The following FAM149A variants were observed in gnomAD, a reference collection of about 807,000 sequenced individuals.
The protein encoded by FAM149A is family with sequence similarity 149 member A, also known as protein FAM149A.
Under a neutral mutation model 78.2 loss-of-function variants are expected in FAM149A, and 71 were observed. That is an observed-to-expected ratio of 0.91 (90% CI 0.75 to 1.11). The LOEUF is 1.11. FAM149A is among the 50% of genes least tolerant of loss of function. The pLI is 0.00. For missense variants in FAM149A, 1,036 were observed against 971.0 expected (o/e 1.07, Z -0.89); for synonymous variants, 446 against 410.5 (o/e 1.09, Z -1.04).
intron 1 of FAM149A, chr4:186,132,997 C>G: frequency 2.0e-6 from 2 of 985,362 alleles, no homozygotes; most frequent in Non-Finnish European, 2.4e-6. Flanking sequence ...TGCTCTGAGA[C>G]GAGCTCTGCC....
chr4:186,162,235 G>T (rs1734662331), intron 8 of FAM149A, among the ~76,000 whole-genome samples: 1 of 152,186 alleles, frequency 6.6e-6, no homozygotes, highest in Non-Finnish European at 1.5e-5. Context: ...AGTTAGAGCT[G>T]GGGTTCAGAC....
At chr4:186,140,751 T>C (rs1486288961) in intron 1 of FAM149A, among the ~76,000 whole-genome samples, 2 of 152,200 alleles carry the variant, frequency 1.3e-5, no homozygotes, top group Non-Finnish European at 2.9e-5. Context: ...CAATTCTCAA[T>C]TAGGGTTTAA....
rs890884543 is a variant in FAM149A, at chr4:186,160,778, C to T, written c.1576-2067C>T. On this transcript the variant is annotated intron_variant, in intron 8 of 13. Transcript: ENST00000389354. ...ACCACACACACACCACATCACACCA[C>T]ACCACACACACACACACACACACAT... The T allele has an allele frequency of 6.7e-6, 6 of 901,514 alleles. No homozygotes were observed. The African/African-American group carries it at 2.0e-4, about 30-fold the overall frequency. The allele number at this position is 901,514 out of a possible 1,614,324, so 55.8% of individuals were successfully genotyped here.
In FAM149A at chr4:186,104,975, C is replaced by T; in HGVS notation, c.-102C>T. The T allele has an allele frequency of 8.4e-7, 1 of 1,190,694 alleles. No individual in the cohort carries two copies. The highest frequency in any genetic ancestry group is 1.1e-6 in the Non-Finnish European group (1 of 946,690). 73.8% of individuals were successfully genotyped at this position (1,190,694 alleles called of 1,614,324 possible). A position where few individuals can be genotyped will look rare whatever the true frequency, so the allele number is the denominator to read the frequency against. On this transcript the variant is annotated 5_prime_UTR_variant, in exon 1 of 14. Coordinates refer to ENST00000389354, the MANE Select transcript of FAM149A (RefSeq NM_001367768.3). ...CCAGGGGCCTCCGGGGCTCCGGGTGCGGGGACCTCAGGCTCCTCGCCCCGG... is the reference window on the plus strand; with the variant it reads ...CCAGGGGCCTCCGGGGCTCCGGGTGTGGGGACCTCAGGCTCCTCGCCCCGG...
In FAM149A at chr4:186,105,397, GC is replaced by G; in HGVS notation, c.325del (p.Gln109SerfsTer95). 1 of 1,180,660 alleles carries G rather than the reference GC, an allele frequency of 8.5e-7. No individual in the cohort carries two copies. The highest frequency in any genetic ancestry group is 1.7e-5 in the African/African-American group (1 of 59,482). The allele number at this position is 1,180,660 out of a possible 1,614,324, so 73.1% of individuals were successfully genotyped here. A position where few individuals can be genotyped will look rare whatever the true frequency, so the allele number is the denominator to read the frequency against. On this transcript the variant is annotated frameshift_variant, in exon 1 of 14. Transcript: ENST00000389354. LOFTEE classifies it high-confidence loss of function. The stretch of plus-strand genomic sequence containing the variant: ...GTAGCCCTAGAGCGGGTAAAGCCCC[GC>G]CCCAGCCCCCCACTCCCTCCGGCGG...
At chr4:186,163,940 ATAAT>A (rs941129317) in intron 10 of FAM149A, among the ~76,000 whole-genome samples, 1 of 152,238 alleles carries the variant, frequency 6.6e-6, no homozygotes, top group Non-Finnish European at 1.5e-5. Flanking sequence ...TTTCAATTAC[ATAAT>A]TAATACTTTT....
rs548816184 is a variant in FAM149A, at chr4:186,109,323, G to T, written c.566+3681G>T. On this transcript the variant is annotated intron_variant, in intron 1 of 13. Transcript: ENST00000389354. ...GCATATATTCACTCTTTTTTTTTTT[G>T]AGTGATTGAGTTCCATTGTTAAAAT... The T allele has an allele frequency of 1.3e-3, 609 of 471,900 alleles. 4 individuals carry two copies. The highest frequency in any genetic ancestry group is 0.012 in the African/African-American group (560 of 44,820). The allele number at this position is 471,900 out of a possible 1,614,324, so 29.2% of individuals were successfully genotyped here.
chr4:186,130,667 A>G (rs1301850718), intron 1 of FAM149A, among the ~76,000 whole-genome samples: 1 of 151,980 alleles, frequency 6.6e-6, no homozygotes, highest in Non-Finnish European at 1.5e-5. Context: ...CCAATTATGT[A>G]TAATTTTTTG....
intron 1 of FAM149A, among the ~76,000 whole-genome samples, chr4:186,148,768 G>A (rs890116130): frequency 6.6e-6 from 1 of 152,110 alleles, no homozygotes; most frequent in African/African-American, 2.4e-5. Context: ...TTTTACTGGA[G>A]GAGTGGTTGG....
rs181461542 is a variant in FAM149A, at chr4:186,174,178, C to A, written c.*2191C>A. Among the ~76,000 whole-genome samples the A allele has an allele frequency of 1.9e-3, 202 of 108,514 alleles. 31 individuals are homozygous for A. Among genetic ancestry groups the A allele is most frequent in the African/African-American group, 5.7e-3 (197 of 34,544 alleles). The allele number at this position is 108,514 out of a possible 152,430, so 71.2% of individuals were successfully genotyped here. A position where few individuals can be genotyped will look rare whatever the true frequency, so the allele number is the denominator to read the frequency against. Reference sequence around the variant, plus strand: ...TGGGAGTTTGTTGTACAGATTATCACCCAGGTATTAAGCCTAGTATCCATT... The same window carrying A: ...TGGGAGTTTGTTGTACAGATTATCAACCAGGTATTAAGCCTAGTATCCATT... On this transcript the variant is annotated 3_prime_UTR_variant, in exon 14 of 14. Coordinates refer to ENST00000389354, the MANE Select transcript of FAM149A (RefSeq NM_001367768.3).
Position 186,144,192 on chromosome 4 carries a change from G to T in FAM149A, c.567-4981G>T, listed in dbSNP as rs571050872. On this transcript the variant is annotated intron_variant, in intron 1 of 13. Coordinates refer to ENST00000389354, the MANE Select transcript of FAM149A (RefSeq NM_001367768.3). This position sits in a 1 kb window ranked among gnomAD's most constrained non-coding sequence, Gnocchi z 4.2. ...AGCATGTGAAAATGACGGCTTGGCA[G>T]TTTCACCAGCTCACAGGAGAGCGTC... is the stretch of plus-strand genomic sequence containing the variant. 1 of 152,326 alleles carries T rather than the reference G, an allele frequency of 6.6e-6. No homozygotes were observed. Among genetic ancestry groups the T allele is most frequent in the East Asian group, 1.9e-4 (1 of 5,172 alleles). The allele number at this position is 152,326 out of a possible 1,614,324, so 9.4% of individuals were successfully genotyped here.
At chr4:186,130,946 A>G (rs2099320520) in intron 1 of FAM149A, among the ~76,000 whole-genome samples, 1 of 152,062 alleles carries the variant, frequency 6.6e-6, no homozygotes, top group African/African-American at 2.4e-5. Flanking sequence ...CCTTTCCCCC[A>G]AGTTCCTATG....
At chr4:186,125,570 C>A (rs554955127) in intron 1 of FAM149A, 1 of 446,986 alleles carries the variant, frequency 2.2e-6, no homozygotes, top group African/African-American at 2.1e-5. Flanking sequence ...AAATAGGTTT[C>A]TCACGAGAAT....
intron 1 of FAM149A, among the ~76,000 whole-genome samples, chr4:186,133,947 C>T (rs1443110170): frequency 6.6e-6 from 1 of 152,228 alleles, no homozygotes; most frequent in African/African-American, 2.4e-5. Flanking sequence ...TGAGCCACTG[C>T]ACCTGGCCTG....
rs865887009 is a variant in FAM149A at position 186,105,048 on chromosome 4, G to A, written c.-29G>A. On this transcript the variant is annotated 5_prime_UTR_variant, in exon 1 of 14. Transcript: ENST00000389354. ...TCCGCGGTCTGAACTCTCGGGCGGCGGCGAGGACGGCGTGTCCACTGTCGA... is the reference window on the plus strand; with the variant it reads ...TCCGCGGTCTGAACTCTCGGGCGGCAGCGAGGACGGCGTGTCCACTGTCGA... The A allele has an allele frequency of 7.9e-7, 1 of 1,264,580 alleles. No homozygotes were observed. 78.3% of individuals were successfully genotyped at this position (1,264,580 alleles called of 1,614,324 possible).
chr4:186,172,227 A>G lies in FAM149A; in HGVS notation c.*240A>G. On this transcript the variant is annotated 3_prime_UTR_variant, in exon 14 of 14. Coordinates refer to ENST00000389354, the MANE Select transcript of FAM149A (RefSeq NM_001367768.3). ...CTCCAAGGTTCTGTAGGCTTTGTTC[A>G]GAAGCCCCTGATGTGTGTTTGCAGT... 2.2e-6 allele frequency: 1 copy of G among 462,020 alleles called. No homozygotes were observed. Among genetic ancestry groups the G allele is most frequent in the Middle Eastern group, 5.3e-4 (1 of 1,890 alleles). 28.6% of individuals were successfully genotyped at this position (462,020 alleles called of 1,614,324 possible). A position where few individuals can be genotyped will look rare whatever the true frequency, so the allele number is the denominator to read the frequency against.
At chr4:186,137,679 C>T (rs1411997108) in intron 1 of FAM149A, among the ~76,000 whole-genome samples, 1 of 151,930 alleles carries the variant, frequency 6.6e-6, no homozygotes, top group Non-Finnish European at 1.5e-5. Context: ...ATATTACATG[C>T]AGCCTTTCAA....
intron 1 of FAM149A, among the ~76,000 whole-genome samples, chr4:186,147,452 TGACAC>T (rs1445013584): frequency 3.9e-5 from 6 of 152,228 alleles, no homozygotes; most frequent in African/African-American, 1.4e-4. Flanking sequence ...TAGCACTGAC[TGACAC>T]TTCATATACT....
intron 1 of FAM149A, among the ~76,000 whole-genome samples, chr4:186,120,370 A>G (rs1016340191): frequency 1.3e-5 from 2 of 152,254 alleles, no homozygotes; most frequent in African/African-American, 4.8e-5. Flanking sequence ...ACACATAGGT[A>G]TAACCAGGTA....
Sources: allele counts gnomAD v4.1 joint callset (sites outside exome capture counted in the v4.1 genomes callset), GRCh38; gene constraint gnomAD v4.1.1; non-coding constraint Gnocchi (gnomAD v3.1); transcripts MANE v1.5; gene names NCBI Gene and HGNC (gene_info 2026-07-23, HGNC 2026-07-21).